The following USP32 variants were observed in gnomAD, a reference collection of about 807,000 sequenced individuals.
USP32 encodes ubiquitin carboxyl-terminal hydrolase 32.
A neutral mutation model predicts 204.8 loss-of-function variants in USP32; 59 were observed. That is an observed-to-expected ratio of 0.29 (90% confidence interval 0.23 to 0.36). The LOEUF is 0.36. Among genes scored for constraint, USP32 ranks in the 10% least tolerant of loss-of-function variants. The pLI is 1.00. For synonymous variants in USP32, 517 were observed against 678.4 expected (o/e 0.76, Z 3.70); for missense variants, 1,160 against 1,946.4 (o/e 0.60, Z 7.60).
In USP32 at chr17:60,177,620, T is replaced by C. The variant is rs563387301; in HGVS notation, c.*1635A>G. On this transcript the variant is annotated 3_prime_UTR_variant, in exon 34 of 34. Coordinates refer to ENST00000300896, the MANE Select transcript of USP32 (RefSeq NM_032582.4). Reference sequence around the variant, plus strand: ...ATGGGAATGGACAGATTTTATATACTGAAAATCTTGAAACTATAAAGTATG... The same window carrying C: ...ATGGGAATGGACAGATTTTATATACCGAAAATCTTGAAACTATAAAGTATG... Among the ~76,000 whole-genome samples, 23 of 152,348 alleles carry C rather than the reference T, an allele frequency of 1.5e-4. No homozygotes were observed. In the East Asian group the frequency reaches 4.2e-3, roughly 28 times the overall value.
intron 1 of USP32, among the ~76,000 whole-genome samples, chr17:60,371,625 A>AGG (rs2089443794): frequency 6.6e-6 from 1 of 152,174 alleles, no homozygotes; most frequent in Non-Finnish European, 1.5e-5. Context: ...GCACATATAA[A>AGG]GGGTGTTCAA....
intron 12 of USP32, among the ~76,000 whole-genome samples, chr17:60,234,022 T>C (rs1178702027): frequency 6.6e-6 from 1 of 152,076 alleles, no homozygotes; most frequent in African/African-American, 2.4e-5. Flanking sequence ...TGATCATGGC[T>C]CACTGCAGTC....
At chr17:60,347,347 G>A (rs1286263152) in intron 1 of USP32, among the ~76,000 whole-genome samples, 1 of 137,042 alleles carries the variant, frequency 7.3e-6, no homozygotes, top group Non-Finnish European at 1.5e-5. Context: ...ACCACACCTG[G>A]CTCATTTTTT....
At chr17:60,406,156 CAAAA>C in intron 1 of USP32, among the ~76,000 whole-genome samples, 1 of 45,246 alleles carries the variant, frequency 2.2e-5, no homozygotes, top group Non-Finnish European at 4.4e-5. Context: ...GACCTTGTCT[CAAAA>C]AAAAAAAAAA....
At chr17:60,228,444 G>A (rs1459361931) in intron 12 of USP32, among the ~76,000 whole-genome samples, 1 of 151,042 alleles carries the variant, frequency 6.6e-6, no homozygotes, top group Non-Finnish European at 1.5e-5. Flanking sequence ...TTTCTAATAT[G>A]GAATTCATAC....
chr17:60,366,038 C>T (rs71373847), intron 1 of USP32, among the ~76,000 whole-genome samples: 4,793 of 152,230 alleles, frequency 0.031, 113 homozygotes, highest in Non-Finnish European at 0.048. Context: ...AGTGCAATGG[C>T]GCGATCTCGG....
intron 9 of USP32, among the ~76,000 whole-genome samples, chr17:60,260,183 G>C (rs2086418332): frequency 6.6e-6 from 1 of 152,172 alleles, no homozygotes; most frequent in African/African-American, 2.4e-5. Flanking sequence ...TATTCCTCTT[G>C]CCTTTGAAAA....
intron 2 of USP32, among the ~76,000 whole-genome samples, chr17:60,343,362 C>T (rs1387437753): frequency 1.3e-5 from 2 of 152,184 alleles, no homozygotes; most frequent in Admixed American, 6.5e-5. Context: ...CTTCTCAGCA[C>T]CACATCGCAT....
intron 5 of USP32, among the ~76,000 whole-genome samples, chr17:60,287,419 G>A (rs1365181165): frequency 6.6e-6 from 1 of 152,116 alleles, no homozygotes; most frequent in Non-Finnish European, 1.5e-5. Flanking sequence ...CTATATTCCT[G>A]AAAGTTACCC....
chr17:60,215,204 T>C (rs1474452977), intron 16 of USP32, among the ~76,000 whole-genome samples: 2 of 152,186 alleles, frequency 1.3e-5, no homozygotes, highest in Non-Finnish European at 2.9e-5. Context: ...ACTCCTGGGC[T>C]CAAGCGATCC....
At chr17:60,278,636 A>ACCT (rs1028557201) in intron 5 of USP32, among the ~76,000 whole-genome samples, 4 of 152,220 alleles carry the variant, frequency 2.6e-5, no homozygotes, top group Non-Finnish European at 5.9e-5. Flanking sequence ...AAAGGTTTAT[A>ACCT]CCATGGACCC....
chr17:60,180,893 ATTATT>A (rs2084093639), intron 32 of USP32, among the ~76,000 whole-genome samples: 1 of 149,132 alleles, frequency 6.7e-6, no homozygotes, highest in Non-Finnish European at 1.5e-5. Flanking sequence ...TATTATTATT[ATTATT>A]TTGAGACAGG....
chr17:60,328,301 G>T (rs2088294871), intron 2 of USP32, among the ~76,000 whole-genome samples: 1 of 152,148 alleles, frequency 6.6e-6, no homozygotes. Context: ...GCTGAGAGCT[G>T]GACAGATGAT....
chr17:60,255,511 G>A (rs775629937), intron 9 of USP32, among the ~76,000 whole-genome samples: 2 of 152,080 alleles, frequency 1.3e-5, no homozygotes, highest in Non-Finnish European at 2.9e-5. Flanking sequence ...TGTTGGCCAG[G>A]CTGGTCTTGA....
At chr17:60,382,136 A>C (rs906138124) in intron 1 of USP32, among the ~76,000 whole-genome samples, 2 of 152,234 alleles carry the variant, frequency 1.3e-5, no homozygotes, top group Admixed American at 1.3e-4. Flanking sequence ...CTCACCGGCA[A>C]ACTGCCATGT....
chr17:60,384,791 C>T, intron 1 of USP32, among the ~76,000 whole-genome samples: 1 of 121,468 alleles, frequency 8.2e-6, no homozygotes, highest in Non-Finnish European at 1.8e-5. Flanking sequence ...AAACTCCGTC[C>T]AAAAAAAAAA....
chr17:60,293,552 C>T (rs1259979794), intron 4 of USP32, among the ~76,000 whole-genome samples: 2 of 152,140 alleles, frequency 1.3e-5, no homozygotes, highest in Non-Finnish European at 2.9e-5. Flanking sequence ...CTTGGAAATG[C>T]TGGATAAAAC....
At position 60,313,677 on chromosome 17, in the gene USP32, G is replaced by A. The variant is rs756207619; in HGVS notation, c.187-11973C>T. 3.3e-5 allele frequency among the ~76,000 whole-genome samples: 5 copies of A among 151,960 alleles called. No individual in the cohort carries two copies. The East Asian group carries it at 9.6e-4, about 29-fold the overall frequency. ...CTCATTGAACATCCAGAGCATTGAG[G>A]AGAGACCCCAAGAGTTAATCCTTAG... On this transcript the variant is annotated intron_variant, in intron 2 of 33. Transcript: ENST00000300896.
intron 10 of USP32, among the ~76,000 whole-genome samples, chr17:60,254,159 A>G (rs2086237451): frequency 6.6e-6 from 1 of 152,224 alleles, no homozygotes. Context: ...ACCACTATTA[A>G]ATCAAGTTAA....
Sources: allele counts gnomAD v4.1 joint callset (sites outside exome capture counted in the v4.1 genomes callset), GRCh38; gene constraint gnomAD v4.1.1; transcripts MANE v1.5; gene names NCBI Gene and HGNC (gene_info 2026-07-23, HGNC 2026-07-21).